ELOVL6: variants seen among roughly 807,000 people sequenced by gnomAD.
ELOVL6 encodes very long chain fatty acid elongase 6.
Under a neutral mutation model 31.7 loss-of-function variants are expected in ELOVL6, and 8 were observed. The observed-to-expected ratio is 0.25, with a 90% CI of 0.15 to 0.45. ELOVL6 has a LOEUF of 0.45. Ranked by LOEUF, ELOVL6 falls within the 20% of genes least tolerant of loss-of-function variation. The pLI is 1.00. For missense variants in ELOVL6, 126 were observed against 326.4 expected (o/e 0.39, Z 4.73); for synonymous variants, 101 against 117.7 (o/e 0.86, Z 0.92).
rs865928290 is a variant in ELOVL6 at position 110,079,451 on chromosome 4, C to T, written c.222-19697G>A. On this transcript the variant is annotated intron_variant, in intron 2 of 3. Transcript: ENST00000302274. ...ATTAAGAAACTCACTCAAAACCGCT[C>T]AACTACATGAAAACTGAACAACCTG... Among the ~76,000 whole-genome samples the T allele has an allele frequency of 6.6e-5, 10 of 152,134 alleles. No homozygotes were observed. In the South Asian group the frequency reaches 8.3e-4, roughly 13 times the overall value.
At chr4:110,129,739 T>C (rs1409928932) in intron 1 of ELOVL6, among the ~76,000 whole-genome samples, 3 of 152,180 alleles carry the variant, frequency 2.0e-5, no homozygotes, top group Non-Finnish European at 4.4e-5. Context: ...AAGTAAAAGA[T>C]GAAATCAGCT....
chr4:110,198,213 C>A, intron 1 of ELOVL6, 34 bp downstream of exon 1: 2 of 1,334,620 alleles, frequency 1.5e-6, no homozygotes, highest in South Asian at 1.2e-5. Context: ...GCGCAGGGCT[C>A]CCGGGAACAG....
chr4:110,078,668 G>C (rs1755730672), intron 2 of ELOVL6, among the ~76,000 whole-genome samples: 1 of 152,218 alleles, frequency 6.6e-6, no homozygotes, highest in Non-Finnish European at 1.5e-5. Context: ...AGGCTAGGAA[G>C]AAACTGCATC....
At chr4:110,111,544 G>C (rs1020329615) in intron 1 of ELOVL6, among the ~76,000 whole-genome samples, 1 of 151,948 alleles carries the variant, frequency 6.6e-6, no homozygotes, top group African/African-American at 2.4e-5. Context: ...CCTTATGTGA[G>C]AGTAAATTCT....
chr4:110,079,552 G>C (rs1410674228), intron 2 of ELOVL6, among the ~76,000 whole-genome samples: 3 of 150,830 alleles, frequency 2.0e-5, no homozygotes, highest in Non-Finnish European at 2.9e-5. Flanking sequence ...CGAGAACAAA[G>C]ACAGAACATA....
intron 1 of ELOVL6, among the ~76,000 whole-genome samples, chr4:110,162,730 A>C (rs1758665802): frequency 6.6e-6 from 1 of 152,194 alleles, no homozygotes; most frequent in African/African-American, 2.4e-5. Flanking sequence ...GAGGTTAATG[A>C]ATGTGCTGAA....
At chr4:110,190,246 C>T (rs1759574825) in intron 1 of ELOVL6, among the ~76,000 whole-genome samples, 1 of 152,084 alleles carries the variant, frequency 6.6e-6, no homozygotes, top group Admixed American at 6.6e-5. Context: ...CTTTTTTCTC[C>T]TGTACTTTTT....
intron 1 of ELOVL6, among the ~76,000 whole-genome samples, chr4:110,106,546 G>T (rs1756896612): frequency 6.6e-6 from 1 of 152,138 alleles, no homozygotes; most frequent in Non-Finnish European, 1.5e-5. Context: ...CATGGTGTTG[G>T]TGGGAGTGTC....
At chr4:110,084,103 A>T (rs111205441) in intron 2 of ELOVL6, among the ~76,000 whole-genome samples, 2 of 84,576 alleles carry the variant, frequency 2.4e-5, no homozygotes, top group Admixed American at 1.4e-4. Flanking sequence ...CATATATATG[A>T]TATATATGAT....
At chr4:110,189,931 C>A (rs1430348134) in intron 1 of ELOVL6, among the ~76,000 whole-genome samples, 1 of 149,722 alleles carries the variant, frequency 6.7e-6, no homozygotes, top group African/African-American at 2.5e-5. Flanking sequence ...CATGCCACTG[C>A]ACTCCAGCCT....
intron 2 of ELOVL6, among the ~76,000 whole-genome samples, chr4:110,099,685 C>T (rs1160236673): frequency 1.3e-5 from 2 of 152,190 alleles, no homozygotes; most frequent in African/African-American, 4.8e-5. Context: ...TCTTGGAACT[C>T]CTTATGCTGC....
intron 2 of ELOVL6, among the ~76,000 whole-genome samples, chr4:110,082,880 A>T (rs1472062301): frequency 6.6e-6 from 1 of 152,018 alleles, no homozygotes; most frequent in Admixed American, 6.5e-5. Flanking sequence ...CTCAACAATT[A>T]TCCACAAACG....
intron 1 of ELOVL6, among the ~76,000 whole-genome samples, chr4:110,118,653 C>T (rs1280309560): frequency 4.6e-5 from 7 of 152,114 alleles, no homozygotes; most frequent in Admixed American, 2.0e-4. Context: ...TTTACGGGCA[C>T]CTAGGTTGAT....
At chr4:110,181,151 T>A (rs1759260288) in intron 1 of ELOVL6, among the ~76,000 whole-genome samples, 1 of 149,470 alleles carries the variant, frequency 6.7e-6, no homozygotes, top group South Asian at 2.1e-4. Context: ...AAAAAAAAAA[T>A]TAAATTAAAT....
intron 2 of ELOVL6, among the ~76,000 whole-genome samples, chr4:110,067,108 G>C (rs943669279): frequency 1.3e-5 from 2 of 150,938 alleles, no homozygotes; most frequent in Non-Finnish European, 3.0e-5. Flanking sequence ...TCTAATAAAT[G>C]TCTAAGCAGT....
intron 1 of ELOVL6, among the ~76,000 whole-genome samples, chr4:110,154,597 G>A (rs1758364226): frequency 6.6e-6 from 1 of 152,146 alleles, no homozygotes; most frequent in Admixed American, 6.5e-5. Flanking sequence ...GTGTTGCCCA[G>A]GCTGTGATAT....
rs573782555 is a variant in ELOVL6 at position 110,051,087 on chromosome 4, A to G, written c.*251T>C. 21 of 495,408 alleles carry G rather than the reference A, an allele frequency of 4.2e-5. No individual in the cohort carries two copies. In the South Asian group the frequency reaches 4.7e-4, roughly 11 times the overall value. 30.7% of individuals were successfully genotyped at this position (495,408 alleles called of 1,614,324 possible). On this transcript the variant is annotated 3_prime_UTR_variant, in exon 4 of 4. Transcript: ENST00000302274. The surrounding 1 kb of genome is among the most constrained non-coding windows in gnomAD (Gnocchi z 4.8). ...TTCTCCCTTGTCCTAGAGTTGATAG[A>G]TAAAGAGGGAATGGGGTCTTCCAGC...
At chr4:110,189,982 T>C (rs901549178) in intron 1 of ELOVL6, among the ~76,000 whole-genome samples, 5 of 144,530 alleles carry the variant, frequency 3.5e-5, no homozygotes, top group African/African-American at 5.0e-5. Flanking sequence ...AAAAAAAAAA[T>C]TGGATTATAA....
intron 1 of ELOVL6, among the ~76,000 whole-genome samples, chr4:110,108,543 T>G (rs1317753461): frequency 2.0e-5 from 3 of 152,172 alleles, no homozygotes; most frequent in Admixed American, 2.0e-4. Flanking sequence ...ATGAAGTCAG[T>G]CAGTACAGAA....
Sources: gnomAD v4.1 joint callset for allele counts (sites outside exome capture counted in the v4.1 genomes callset) on GRCh38, gnomAD v4.1.1 for gene constraint, Gnocchi (gnomAD v3.1) non-coding constraint, MANE v1.5 for transcripts, NCBI Gene and HGNC (gene_info 2026-07-23, HGNC 2026-07-21) for gene names.